Variants in MKS1 observed in about 807,000 individuals in gnomAD.
The protein encoded by MKS1 is tectonic-like complex member MKS1.
Under a neutral mutation model 83.7 loss-of-function variants are expected in MKS1, and 70 were observed. The observed-to-expected ratio is 0.84, with a 90% confidence interval of 0.69 to 1.02. The LOEUF is 1.02. Among genes scored for constraint, MKS1 ranks in the 50% least tolerant of loss-of-function variants. MKS1 has a pLI of 0.00. For missense variants in MKS1, 681 were observed against 726.9 expected, an observed-to-expected ratio of 0.94 and a Z score of 0.73; for synonymous variants, 251 against 273.4, an observed-to-expected ratio of 0.92 and a Z score of 0.81.
At chr17:58,210,353 A>G (rs144706481) in intron 11 of MKS1, among the ~76,000 whole-genome samples, 23 of 152,266 alleles carry the variant, frequency 1.5e-4, no homozygotes, top group African/African-American at 4.3e-4. Flanking sequence ...ACGGTTTAAG[A>G]TCAACAGAAG....
In MKS1 at chr17:58,205,789, G is replaced by T; in HGVS notation, c.*290C>A. On this transcript the variant is annotated 3_prime_UTR_variant, in exon 18 of 18. Transcript: ENST00000393119. Reference sequence around the variant, plus strand: ...AGTGAGTCAAGGCCAGACTCACTATGGGGTCACCCCAAACAGCTTCAGATC... The same window carrying T: ...AGTGAGTCAAGGCCAGACTCACTATTGGGTCACCCCAAACAGCTTCAGATC... 7.0e-7 allele frequency: 1 copy of T among 1,438,726 alleles called. No homozygotes were observed. The highest frequency in any genetic ancestry group is 2.2e-5 in the Admixed American group (1 of 44,948). 89.1% of individuals were successfully genotyped at this position (1,438,726 alleles called of 1,614,324 possible). A position where few individuals can be genotyped will look rare whatever the true frequency, so the allele number is the denominator to read the frequency against.
intron 4 of MKS1, chr17:58,215,565 T>A (rs1273591794): frequency 5.7e-6 from 1 of 176,380 alleles, no homozygotes; most frequent in African/African-American, 2.4e-5. Context: ...GAGCTTAAAA[T>A]CTTACTGAGA....
At chr17:58,216,988 C>T (rs1321294201) in intron 2 of MKS1, among the ~76,000 whole-genome samples, 1 of 152,104 alleles carries the variant, frequency 6.6e-6, no homozygotes, top group Non-Finnish European at 1.5e-5. Flanking sequence ...AAAATACCCC[C>T]CAGGAATTTT....
chr17:58,207,749 A>G (rs562322432), intron 14 of MKS1, 145 bp downstream of exon 14: 8 of 802,810 alleles, frequency 1.0e-5, no homozygotes, highest in Middle Eastern at 3.4e-4. Context: ...GGGGGCAGAA[A>G]GTCCTCAGAG....
At chr17:58,215,030 G>A in intron 4 of MKS1, 192 bp from the exon 5 acceptor site, 2 of 791,328 alleles carry the variant, frequency 2.5e-6, no homozygotes, top group Non-Finnish European at 1.9e-6. Context: ...CCACATCATG[G>A]TTTGCCTTTG....
rs1198645467 is a variant in MKS1 at position 58,216,698 on chromosome 17, C to T, written c.229G>A (p.Val77Met). 2 of 1,614,232 alleles carry T rather than the reference C, an allele frequency of 1.2e-6. No individual in the cohort carries two copies. Among genetic ancestry groups the T allele is most frequent in the Middle Eastern group, 1.6e-4 (1 of 6,062 alleles). ...AAGAGCTTCTCCTGCCACCCAATCA[C>T]AATCTCCTCCTCTTCGTCTTCCTCT... ...RPEEDEEEEI[V>M]IGWQEKLFSQ... is the part of the protein sequence containing the mutation. The change falls in exon 3 of 18, where the codon GTG (valine) becomes ATG (methionine). Residue 77 changes from valine to methionine, a missense_variant. By Grantham distance (21) the Val-to-Met change is conservative. Coordinates refer to ENST00000393119, the MANE Select transcript of MKS1 (RefSeq NM_017777.4).
intron 1 of MKS1, 182 bp from the exon 2 acceptor site, chr17:58,218,911 TG>T: frequency 1.2e-6 from 1 of 818,094 alleles, no homozygotes; most frequent in Non-Finnish European, 2.0e-6. Context: ...GAGGGTGTAC[TG>T]GGGGCACAGG....
rs774744332 is a variant in MKS1 at position 58,214,899 on chromosome 17, C to A, written c.418-61G>T. 4.8e-5 allele frequency: 75 copies of A among 1,550,280 alleles called. No homozygotes were observed. The South Asian group carries it at 8.4e-4, about 17-fold the overall frequency. On this transcript the variant is annotated intron_variant, in intron 4 of 17. Coordinates refer to ENST00000393119, the MANE Select transcript of MKS1 (RefSeq NM_017777.4). Reference sequence around the variant, plus strand: ...GTCAGGGCCACATGGAGCCAAGTACCTGAAGGGAAGTCTTCCTCCTGAAAC... The same window carrying A: ...GTCAGGGCCACATGGAGCCAAGTACATGAAGGGAAGTCTTCCTCCTGAAAC...
At position 58,215,706 on chromosome 17, in the gene MKS1, T is replaced by C. The variant is rs147992551; in HGVS notation, c.417+382A>G. 649 of 296,420 alleles carry C rather than the reference T, an allele frequency of 2.2e-3. 5 individuals carry two copies. In the Middle Eastern group the frequency reaches 0.03, roughly 14 times the overall value. 18.4% of individuals were successfully genotyped at this position (296,420 alleles called of 1,614,324 possible). ...TACTGAATTCCTCTTCAAACCCATA[T>C]ACTCAGAGTTTGGGCTGAATCCCCT... On this transcript the variant is annotated intron_variant, in intron 4 of 17. Coordinates refer to ENST00000393119, the MANE Select transcript of MKS1 (RefSeq NM_017777.4).
At chr17:58,207,251 C>T (rs771120203) in intron 14 of MKS1, 33 bp from the exon 15 acceptor site, 1 of 1,612,746 alleles carries the variant, frequency 6.2e-7, no homozygotes, top group South Asian at 1.1e-5. Context: ...GGGGCCAGGT[C>T]CAGAAAGGGC....
chr17:58,215,663 A>C (rs1597998309), intron 4 of MKS1: 1 of 201,856 alleles, frequency 5.0e-6, no homozygotes, highest in African/African-American at 2.3e-5. Context: ...TGAGGACATA[A>C]GCCATTTTCC....
intron 12 of MKS1, 159 bp downstream of exon 12, chr17:58,208,354 C>T: frequency 1.0e-6 from 1 of 983,106 alleles, no homozygotes; most frequent in African/African-American, 1.6e-5. Context: ...AAAAGACAGA[C>T]AGGATCTCCG....
rs1446730913 is a variant in MKS1, at chr17:58,209,864, GA to G, written c.1024+794del. 1.3e-5 allele frequency among the ~76,000 whole-genome samples: 2 copies of G among 152,244 alleles called. No homozygotes were observed. The highest frequency in any genetic ancestry group is 2.9e-5 in the Non-Finnish European group (2 of 68,044). ...ATGGGAGCAAGGCAGGAAGCAGGGG[GA>G]TACATCAGAAGTTGAATGCACTGGC... On this transcript the variant is annotated intron_variant, in intron 11 of 17. Transcript: ENST00000393119. This position sits in a 1 kb window ranked among gnomAD's most constrained non-coding sequence, Gnocchi z 4.1.
chr17:58,212,378 C>T lies in MKS1; in HGVS notation c.915G>A (p.Met305Ile), dbSNP rs761070122. 2 of 1,614,232 alleles carry T rather than the reference C, an allele frequency of 1.2e-6. No individual in the cohort carries two copies. The highest frequency in any genetic ancestry group is 8.5e-7 in the Non-Finnish European group (1 of 1,180,042). Residue 305 changes from methionine to isoleucine, a missense_variant and splice_region_variant, in exon 9 of 18, where the codon ATG becomes ATA. This residue lies in a region of MKS1 where 6 missense variants were observed against 21.4 expected (regional missense o/e 0.28). Coordinates refer to ENST00000393119, the MANE Select transcript of MKS1 (RefSeq NM_017777.4). ...LSSLVGTDFE[M>I]TVPGALRLFV... Reference sequence around the variant, plus strand: ...TGCTGCAGGAAGCCAAGCTACTCACCATCTCAAAGTCGGTGCCTACGAGGC... The same window carrying T: ...TGCTGCAGGAAGCCAAGCTACTCACTATCTCAAAGTCGGTGCCTACGAGGC...
In MKS1 at chr17:58,208,572, G is replaced by A. The variant is rs538164532; in HGVS notation, c.1036C>T (p.Pro346Ser). Residue 346 changes from proline to serine, a missense_variant, in exon 12 of 18, where the codon CCA (proline) becomes TCA (serine). Pro to Ser is a moderately conservative substitution (Grantham distance 74). Around this residue, in one of 3 missense-constraint regions of MKS1, gnomAD observed 310 missense variants for 321.7 expected, o/e 0.96. Coordinates refer to ENST00000393119, the MANE Select transcript of MKS1 (RefSeq NM_017777.4). ...ACTCCTGAGAGCTGCTGGAATGCTG[G>A]GCTTGACCAGTCTGAAAGCCAAAGA... ...VELPTAHWSS[P>S]AFQQLSGVTQ... 5 of 1,614,132 alleles carry A rather than the reference G, an allele frequency of 3.1e-6. No individual in the cohort carries two copies. In the African/African-American group the frequency reaches 4.0e-5, roughly 13 times the overall value.
In MKS1 at chr17:58,214,795, A is replaced by G. The variant is rs753579811; in HGVS notation, c.461T>C (p.Phe154Ser). 116 of 1,606,788 alleles carry G rather than the reference A, an allele frequency of 7.2e-5. No individual in the cohort carries two copies. The highest frequency in any genetic ancestry group is 7.6e-5 in the Non-Finnish European group (90 of 1,179,804). The change falls in exon 5 of 18, where the codon TTC becomes TCC. Residue 154 changes from phenylalanine to serine, a missense_variant. Around this residue, in one of 3 missense-constraint regions of MKS1, gnomAD observed 365 missense variants for 383.8 expected, o/e 0.95. Coordinates refer to ENST00000393119, the MANE Select transcript of MKS1 (RefSeq NM_017777.4). Reference sequence around the variant, plus strand: ...GACATTTGCCATTCGCTCGACCAAGAATGAAGGCACCTCGCTGGCTGCAGT... The same window carrying G: ...GACATTTGCCATTCGCTCGACCAAGGATGAAGGCACCTCGCTGGCTGCAGT... ...MTTAASEVPSFLVERMANVRR... is the reference protein window; with the variant it reads ...MTTAASEVPSSLVERMANVRR...
rs1968967475 is a variant in MKS1 at position 58,213,014 on chromosome 17, C to T, written c.826G>A (p.Glu276Lys). ...AACACTCGCCGTTCCCGCTCCTCCT[C>T]CTCCGGCTGTGCGTGGGGGGAAACA... ...DNVSPHAQPE[E>K]EERERRVFKD... The change falls in exon 8 of 18, where the codon GAG becomes AAG. Residue 276 changes from glutamate (E) to lysine (K), a missense_variant. Glu to Lys is a moderately conservative substitution (Grantham distance 56). This residue lies in a region of MKS1 where 365 missense variants were observed against 383.8 expected (regional missense o/e 0.95). Transcript: ENST00000393119. 6.2e-7 allele frequency: 1 copy of T among 1,614,154 alleles called. No homozygotes were observed. The highest frequency in any genetic ancestry group is 8.5e-7 in the Non-Finnish European group (1 of 1,180,026).
chr17:58,208,206 G>A lies in MKS1; in HGVS notation c.1096-32C>T, dbSNP rs186068330. 5,263 of 1,542,868 alleles carry A rather than the reference G, an allele frequency of 3.4e-3. 15 individuals carry two copies. The highest frequency in any genetic ancestry group is 5.2e-3 in the Admixed American group (314 of 59,812). ...AAAGGAGTGTCATAGGGTGGGCAAGGCCTCCCTTGGAATCTGTTCTCCTTG... is the reference window on the plus strand; with the variant it reads ...AAAGGAGTGTCATAGGGTGGGCAAGACCTCCCTTGGAATCTGTTCTCCTTG... On this transcript the variant is annotated intron_variant, in intron 12 of 17. Transcript: ENST00000393119.
intron 4 of MKS1, chr17:58,215,530 A>T (rs76846941): frequency 1.2e-5 from 2 of 169,230 alleles, no homozygotes; most frequent in Admixed American, 1.1e-4. Flanking sequence ...AGACAAAAAT[A>T]AAAAAAATAG....
Sources: gnomAD v4.1 joint callset for allele counts (sites outside exome capture counted in the v4.1 genomes callset) on GRCh38, gnomAD v4.1.1 for gene constraint, gnomAD v4.1.1 regional missense constraint, Gnocchi (gnomAD v3.1) non-coding constraint, MANE v1.5 for transcripts, NCBI Gene and HGNC (gene_info 2026-07-23, HGNC 2026-07-21) for gene names.